The following SRC variants were observed in gnomAD, a reference collection of about 807,000 sequenced individuals.
SRC encodes SRC proto-oncogene, non-receptor tyrosine kinase, also known as proto-oncogene tyrosine-protein kinase Src.
In SRC, 13 loss-of-function variants were observed where a neutral mutation model predicts 62.9. That is an observed-to-expected ratio of 0.21 (90% CI 0.13 to 0.33). The LOEUF (loss-of-function observed/expected upper bound fraction) is 0.33. Among genes scored for constraint, SRC ranks in the 10% least tolerant of loss-of-function variants. The pLI is 1.00. For synonymous variants in SRC, 302 were observed against 317.5 expected (o/e 0.95, Z 0.52); for missense variants, 457 against 737.3 (o/e 0.62, Z 4.40).
intron 2 of SRC, among the ~76,000 whole-genome samples, chr20:37,378,772 T>G (rs1600989055): frequency 6.6e-6 from 1 of 150,782 alleles, no homozygotes; most frequent in South Asian, 2.1e-4. Flanking sequence ...GGGGGGAGGG[T>G]GGACTGGAGG....
chr20:37,373,275 C>T (rs529544334), intron 2 of SRC, among the ~76,000 whole-genome samples: 37,753 of 150,590 alleles, frequency 0.25, 7,429 homozygotes, highest in African/African-American at 0.55. Flanking sequence ...TACGCACACA[C>T]ACACACACAT....
intron 10 of SRC, among the ~76,000 whole-genome samples, chr20:37,401,394 A>G (rs1001376560): frequency 3.3e-5 from 5 of 152,060 alleles, no homozygotes; most frequent in Non-Finnish European, 7.4e-5. Flanking sequence ...TTACCTGTTC[A>G]CCTGGAGGTG....
chr20:37,403,089 C>T lies in SRC; in HGVS notation c.1403-82C>T. On this transcript the variant is annotated intron_variant, in intron 13 of 13. Coordinates refer to ENST00000373578, the MANE Select transcript of SRC (RefSeq NM_198291.3). This position sits in a 1 kb window ranked among gnomAD's most constrained non-coding sequence, Gnocchi z 7.1. Reference sequence around the variant, plus strand: ...CTCCCAACCTGTCCTAGGCAGGAAGCCCTCGCTGCCCTCCCCATCAGCTTC... The same window carrying T: ...CTCCCAACCTGTCCTAGGCAGGAAGTCCTCGCTGCCCTCCCCATCAGCTTC... 1 of 1,409,262 alleles carries T rather than the reference C, an allele frequency of 7.1e-7. No individual in the cohort carries two copies. Among genetic ancestry groups the T allele is most frequent in the Non-Finnish European group, 9.5e-7 (1 of 1,054,536 alleles). The allele number at this position is 1,409,262 out of a possible 1,614,324, so 87.3% of individuals were successfully genotyped here. A position where few individuals can be genotyped will look rare whatever the true frequency, so the allele number is the denominator to read the frequency against.
chr20:37,387,604 G>A (rs2070478458), intron 5 of SRC, among the ~76,000 whole-genome samples: 1 of 152,224 alleles, frequency 6.6e-6, no homozygotes, highest in Non-Finnish European at 1.5e-5. Flanking sequence ...TTGCATGGCC[G>A]AGTCCTGGTG....
intron 6 of SRC, 84 bp downstream of exon 6, chr20:37,394,077 T>C: frequency 6.4e-7 from 1 of 1,561,496 alleles, no homozygotes; most frequent in Non-Finnish European, 8.8e-7. Flanking sequence ...GGGTGGGAGG[T>C]CTGGCTGTCC....
chr20:37,376,462 T>C (rs1460145206), intron 2 of SRC, among the ~76,000 whole-genome samples: 1 of 152,234 alleles, frequency 6.6e-6, no homozygotes, highest in Admixed American at 6.5e-5. Context: ...AGTTGCAAGC[T>C]GGCATCTGAA....
chr20:37,352,362 G>A (rs1400526730), intron 1 of SRC, among the ~76,000 whole-genome samples: 1 of 152,252 alleles, frequency 6.6e-6, no homozygotes, highest in South Asian at 2.1e-4. Context: ...AATCACCAGG[G>A]CAGTGACCAG....
chr20:37,366,509 T>A (rs1409609005), intron 2 of SRC, among the ~76,000 whole-genome samples: 3 of 152,190 alleles, frequency 2.0e-5, no homozygotes, highest in Non-Finnish European at 4.4e-5. Context: ...ACTTCACCCA[T>A]TACAGTCACT....
In SRC at chr20:37,384,377, C is replaced by T. The variant is rs2147050975; in HGVS notation, c.224C>T (p.Ser75Phe). 3 of 1,453,448 alleles carry T rather than the reference C, an allele frequency of 2.1e-6. No homozygotes were observed. The highest frequency in any genetic ancestry group is 3.1e-5 in the East Asian group (1 of 32,242). The allele number at this position is 1,453,448 out of a possible 1,614,324, so 90.0% of individuals were successfully genotyped here. A position where few individuals can be genotyped will look rare whatever the true frequency, so the allele number is the denominator to read the frequency against. Residue 75 changes from serine to phenylalanine, a missense_variant, in exon 4 of 14, where the codon TCC (serine) becomes TTC (phenylalanine). Ser to Phe is a radical substitution (Grantham distance 155, BLOSUM62 -2). Coordinates refer to ENST00000373578, the MANE Select transcript of SRC (RefSeq NM_198291.3). This position sits in a 1 kb window ranked among gnomAD's most constrained non-coding sequence, Gnocchi z 6.7. ...TTCAACTCCTCGGACACCGTCACCT[C>T]CCCGCAGAGGGCGGGCCCGCTGGCC... Reference protein sequence around the residue: ...GGFNSSDTVTSPQRAGPLAGG... With the variant: ...GGFNSSDTVTFPQRAGPLAGG...
chr20:37,396,345 G>T lies in SRC; in HGVS notation c.703+34G>T. The T allele has an allele frequency of 6.2e-7, 1 of 1,608,744 alleles. No homozygotes were observed. The highest frequency in any genetic ancestry group is 1.1e-5 in the South Asian group (1 of 90,998). ...GCCTCGGAGGGCGGAGGGCGGGCGG[G>T]CAAAGCCTCAGCTGCAGACTCTGGG... On this transcript the variant is annotated intron_variant, in intron 8 of 13. Transcript: ENST00000373578. This position sits in a 1 kb window ranked among gnomAD's most constrained non-coding sequence, Gnocchi z 6.1.
intron 2 of SRC, among the ~76,000 whole-genome samples, chr20:37,368,531 TTTTTTTTTTTTTGTTTTTTTTTTTTTTG>T (rs2070107000): frequency 8.1e-6 from 1 of 123,808 alleles, no homozygotes; most frequent in African/African-American, 3.7e-5. Flanking sequence ...TTTTTTTTTT[TTTTTTTTTTTTTGTTTTTTTTTTTTTTG>T]TTTTTTTTTT....
At chr20:37,389,475 G>C (rs2070511000) in intron 5 of SRC, among the ~76,000 whole-genome samples, 1 of 152,148 alleles carries the variant, frequency 6.6e-6, no homozygotes, top group African/African-American at 2.4e-5. Flanking sequence ...ACCTGTGCTG[G>C]CTTCACCCCT....
chr20:37,355,266 G>C (rs901304932), intron 1 of SRC, among the ~76,000 whole-genome samples: 3 of 140,734 alleles, frequency 2.1e-5, no homozygotes, highest in African/African-American at 7.7e-5. Flanking sequence ...TGTTCCCGAA[G>C]GCCCCGGAAC....
chr20:37,366,585 T>G (rs1255529487), intron 2 of SRC, among the ~76,000 whole-genome samples: 2 of 152,202 alleles, frequency 1.3e-5, no homozygotes, highest in Admixed American at 1.3e-4. Flanking sequence ...TCTGTTTCTA[T>G]AGATTTGCCT....
rs1391193952 is a variant in SRC at position 37,384,793 on chromosome 20, G to A, written c.250+390G>A. On this transcript the variant is annotated intron_variant, in intron 4 of 13. Transcript: ENST00000373578. The surrounding 1 kb of genome is among the most constrained non-coding windows in gnomAD (Gnocchi z 6.7). ...CCACGTGCGGCGGAGGGGCAGCTGG[G>A]TCGCTCGGGGAACGGGGCACCGGAT... Among the ~76,000 whole-genome samples, 1 of 152,182 alleles carries A rather than the reference G, an allele frequency of 6.6e-6. No individual in the cohort carries two copies. The highest frequency in any genetic ancestry group is 6.5e-5 in the Admixed American group (1 of 15,280).
chr20:37,375,580 G>T (rs2070263420), intron 2 of SRC, among the ~76,000 whole-genome samples: 1 of 151,788 alleles, frequency 6.6e-6, no homozygotes, highest in Non-Finnish European at 1.5e-5. Flanking sequence ...TTACCATGTT[G>T]CCCTGGAAAG....
intron 1 of SRC, among the ~76,000 whole-genome samples, chr20:37,362,898 C>T (rs1204128222): frequency 6.6e-6 from 1 of 152,126 alleles, no homozygotes; most frequent in African/African-American, 2.4e-5. Context: ...CAGTCTTTCC[C>T]CCATTTTGCC....
At chr20:37,394,472 G>C (rs1444918243) in intron 7 of SRC, among the ~76,000 whole-genome samples, 195 bp downstream of exon 7, 1 of 152,196 alleles carries the variant, frequency 6.6e-6, no homozygotes, top group Non-Finnish European at 1.5e-5. Context: ...GATGTCCAGA[G>C]AAAGATGAGG....
intron 2 of SRC, among the ~76,000 whole-genome samples, chr20:37,375,452 G>C (rs1429959160): frequency 6.6e-6 from 1 of 152,110 alleles, no homozygotes; most frequent in Non-Finnish European, 1.5e-5. Context: ...GCCCAGGCTA[G>C]TCTGAAACTC....
Sources: allele counts gnomAD v4.1 joint callset (sites outside exome capture counted in the v4.1 genomes callset), GRCh38; gene constraint gnomAD v4.1.1; non-coding constraint Gnocchi (gnomAD v3.1); transcripts MANE v1.5; gene names NCBI Gene and HGNC (gene_info 2026-07-23, HGNC 2026-07-21).